Variants in DDR2 observed in about 807,000 individuals in gnomAD.
DDR2 encodes the protein discoidin domain receptor tyrosine kinase 2.
A neutral mutation model predicts 94.9 loss-of-function variants in DDR2; 27 were observed. That is an observed-to-expected ratio of 0.28 (90% CI 0.21 to 0.39). The LOEUF is 0.39. DDR2 is among the 10% of genes least tolerant of loss of function. The probability of loss-of-function intolerance (pLI) is 1.00; values close to 1 mark genes in which losing one functional copy is unlikely to be tolerated. For missense variants in DDR2, 783 were observed against 1,076.0 expected, an observed-to-expected ratio of 0.73 and a Z score of 3.81; for synonymous variants, 382 against 377.2, an observed-to-expected ratio of 1.01 and a Z score of -0.15.
At chr1:162,773,677 T>C in intron 14 of DDR2, 81 bp downstream of exon 14, 1 of 1,593,908 alleles carries the variant, frequency 6.3e-7, no homozygotes, top group Non-Finnish European at 8.6e-7. Flanking sequence ...TCTGAGCAAT[T>C]TTTTCTTTTG....
intron 1 of DDR2, among the ~76,000 whole-genome samples, chr1:162,636,119 C>T (rs78980207): frequency 1.1e-3 from 175 of 152,256 alleles, no homozygotes; most frequent in African/African-American, 4.1e-3. Context: ...TATTCATGTA[C>T]GATTTGGCTA....
At chr1:162,662,381 T>C (rs1161035097) in intron 2 of DDR2, among the ~76,000 whole-genome samples, 1 of 152,184 alleles carries the variant, frequency 6.6e-6, no homozygotes, top group East Asian at 1.9e-4. Context: ...CCAGGTGACA[T>C]AACCACCCCA....
In DDR2 at chr1:162,786,294, T is replaced by C. The variant is rs1197726208; in HGVS notation, c.*6048T>C. 6.6e-6 allele frequency: 1 copy of C among 152,216 alleles called. No homozygotes were observed. The highest frequency in any genetic ancestry group is 1.5e-5 in the Non-Finnish European group (1 of 68,062). 9.4% of individuals were successfully genotyped at this position (152,216 alleles called of 1,614,324 possible). On this transcript the variant is annotated 3_prime_UTR_variant, in exon 18 of 18. Transcript: ENST00000367921. Reference sequence around the variant, plus strand: ...TGGTAACTTTTTCTGAGGACTGAGTTTCTGCAGCGATGTGGTGCACTCTTC... The same window carrying C: ...TGGTAACTTTTTCTGAGGACTGAGTCTCTGCAGCGATGTGGTGCACTCTTC...
chr1:162,759,906 A>G lies in DDR2; in HGVS notation c.782A>G (p.Asn261Ser). Reference sequence around the variant, plus strand: ...GGCTATGACTATGTGGGCTGGCGGAACGAGAGTGCCACCAATGGCTACATT... The same window carrying G: ...GGCTATGACTATGTGGGCTGGCGGAGCGAGAGTGCCACCAATGGCTACATT... ...WPGYDYVGWR[N>S]ESATNGYIEI... The change falls in exon 8 of 18, where the codon AAC (asparagine) becomes AGC (serine). Residue 261 changes from asparagine (N) to serine (S), a missense_variant. Coordinates refer to ENST00000367921, the MANE Select transcript of DDR2 (RefSeq NM_006182.4). 6.2e-7 allele frequency: 1 copy of G among 1,614,186 alleles called. No individual in the cohort carries two copies. Among genetic ancestry groups the G allele is most frequent in the Non-Finnish European group, 8.5e-7 (1 of 1,180,026 alleles).
At chr1:162,687,312 A>C (rs1267683925) in intron 2 of DDR2, among the ~76,000 whole-genome samples, 2 of 152,326 alleles carry the variant, frequency 1.3e-5, no homozygotes, top group South Asian at 4.2e-4. Context: ...AAGCCTAGGA[A>C]TAAATGTAGT....
chr1:162,764,353 A>T (rs1051801333), intron 9 of DDR2, among the ~76,000 whole-genome samples: 1 of 150,736 alleles, frequency 6.6e-6, no homozygotes, highest in Non-Finnish European at 1.5e-5. Context: ...TGTTCATACC[A>T]TTAAATTTAA....
chr1:162,673,604 T>TGA (rs1231851857), intron 2 of DDR2, among the ~76,000 whole-genome samples: 1 of 127,602 alleles, frequency 7.8e-6, no homozygotes, highest in East Asian at 2.7e-4. Flanking sequence ...TATGTGTGTG[T>TGA]GTGTGAGAGA....
chr1:162,684,807 C>T (rs1659587138), intron 2 of DDR2, among the ~76,000 whole-genome samples: 1 of 126,794 alleles, frequency 7.9e-6, no homozygotes, highest in African/African-American at 3.0e-5. Flanking sequence ...ACAAACACAC[C>T]CACCAACACA....
rs1158618881 is a variant in DDR2, at chr1:162,665,041, G to A, written c.-28+9667G>A. Among the ~76,000 whole-genome samples the A allele has an allele frequency of 3.3e-5, 5 of 152,172 alleles. No individual in the cohort carries two copies. In the East Asian group the frequency reaches 9.6e-4, roughly 29 times the overall value. On this transcript the variant is annotated intron_variant, in intron 2 of 17. Coordinates refer to ENST00000367921, the MANE Select transcript of DDR2 (RefSeq NM_006182.4). ...ATACAGAATTGGTTTGACATTCAAG[G>A]TCTTTCAGAGTCAAATCCCAATTGA...
intron 2 of DDR2, among the ~76,000 whole-genome samples, chr1:162,693,676 A>C (rs1660055288): frequency 6.6e-6 from 1 of 152,170 alleles, no homozygotes; most frequent in Admixed American, 6.5e-5. Flanking sequence ...GGGTTTGGGC[A>C]CTGACTAGGT....
rs1648068130 is a variant in DDR2, at chr1:162,784,473, G to A, written c.*4227G>A. On this transcript the variant is annotated 3_prime_UTR_variant, in exon 18 of 18. Coordinates refer to ENST00000367921, the MANE Select transcript of DDR2 (RefSeq NM_006182.4). ...GTTTCTTCATCTCCAGGAAGATGCA[G>A]ATCCTTATTTTTGCTGGGAAATCCT... 1 of 153,064 alleles carries A rather than the reference G, an allele frequency of 6.5e-6. No individual in the cohort carries two copies. Among genetic ancestry groups the A allele is most frequent in the East Asian group, 1.9e-4 (1 of 5,160 alleles). 9.5% of individuals were successfully genotyped at this position (153,064 alleles called of 1,614,324 possible).
chr1:162,776,069 G>T, intron 15 of DDR2, 67 bp from the exon 16 acceptor site: 2 of 1,439,648 alleles, frequency 1.4e-6, no homozygotes, highest in Non-Finnish European at 1.9e-6. Flanking sequence ...TACCATTTTA[G>T]AATGTGTACC....
At chr1:162,633,499 C>G (rs1383348754) in intron 1 of DDR2, among the ~76,000 whole-genome samples, 1 of 152,212 alleles carries the variant, frequency 6.6e-6, no homozygotes, top group Non-Finnish European at 1.5e-5. Context: ...CATCTAACCC[C>G]TTCGCTCCAC....
chr1:162,749,183 C>CA lies in DDR2; in HGVS notation c.83-3906dup, dbSNP rs1224807452. On this transcript the variant is annotated intron_variant, in intron 3 of 17. Transcript: ENST00000367921. ...AGCAGAACTGAAGGAGATAGAGACA[C>CA]AAAAAACCCTTCAAAAAATCAATGA... 5.2e-4 allele frequency among the ~76,000 whole-genome samples: 79 copies of CA among 152,000 alleles called. 1 individual carries two copies. The highest frequency in any genetic ancestry group is 1.8e-3 in the African/African-American group (76 of 41,490).
intron 2 of DDR2, among the ~76,000 whole-genome samples, chr1:162,686,049 A>G (rs760624411): frequency 6.6e-6 from 1 of 152,112 alleles, no homozygotes; most frequent in Non-Finnish European, 1.5e-5. Context: ...GGAGCTTTTT[A>G]TAGGTTCTGA....
At chr1:162,778,177 T>C (rs147888969) in intron 16 of DDR2, among the ~76,000 whole-genome samples, 2 of 152,206 alleles carry the variant, frequency 1.3e-5, no homozygotes, top group South Asian at 4.1e-4. Context: ...ATCACTGAAC[T>C]GGTAAATGAG....
chr1:162,766,437 T>C (rs1338493166), intron 10 of DDR2, among the ~76,000 whole-genome samples: 1 of 152,168 alleles, frequency 6.6e-6, no homozygotes, highest in Non-Finnish European at 1.5e-5. Context: ...GAGATAAATA[T>C]GCCATGTATG....
chr1:162,651,391 C>T (rs772778686), intron 1 of DDR2, among the ~76,000 whole-genome samples: 17 of 152,198 alleles, frequency 1.1e-4, no homozygotes, highest in Non-Finnish European at 2.4e-4. Flanking sequence ...CTTTTGTCTG[C>T]ATTCTTTCTA....
At chr1:162,765,273 C>T (rs996613677) in intron 9 of DDR2, among the ~76,000 whole-genome samples, 3 of 152,052 alleles carry the variant, frequency 2.0e-5, no homozygotes, top group African/African-American at 4.8e-5. Flanking sequence ...AGCCGAACTC[C>T]GAAAGCACAT....
Sources: allele counts gnomAD v4.1 joint callset (sites outside exome capture counted in the v4.1 genomes callset), GRCh38; gene constraint gnomAD v4.1.1; transcripts MANE v1.5; gene names NCBI Gene and HGNC (gene_info 2026-07-23, HGNC 2026-07-21).